Variants in PSD3 observed in about 807,000 individuals in gnomAD.
The protein encoded by PSD3 is pleckstrin and Sec7 domain containing 3.
Under a neutral mutation model 105.5 loss-of-function variants are expected in PSD3, and 49 were observed. The observed-to-expected ratio is 0.46, with a 90% CI of 0.37 to 0.59. The LOEUF is 0.59. Ranked by LOEUF, PSD3 falls within the 20% of genes least tolerant of loss-of-function variation. PSD3 has a pLI of 0.00. For synonymous variants in PSD3, 557 were observed against 457.8 expected (o/e 1.22, Z -2.77); for missense variants, 1,561 against 1,263.8 (o/e 1.24, Z -3.57).
chr8:18,936,181 C>T (rs1402284904), intron 1 of PSD3, 39 bp from the exon 2 acceptor site: 2 of 1,389,840 alleles, frequency 1.4e-6, no homozygotes, highest in African/African-American at 1.4e-5. Context: ...ATTTAAAATA[C>T]ATCATTAAAA....
chr8:18,842,556 A>T (rs1814717107), intron 4 of PSD3, among the ~76,000 whole-genome samples: 1 of 151,968 alleles, frequency 6.6e-6, no homozygotes, highest in Non-Finnish European at 1.5e-5. Context: ...ACACGGTGAA[A>T]CCCCGTGTCT....
intron 11 of PSD3, among the ~76,000 whole-genome samples, chr8:18,606,130 T>C (rs997015366): frequency 3.9e-5 from 6 of 152,226 alleles, no homozygotes; most frequent in African/African-American, 1.4e-4. Flanking sequence ...CTGTGTATTA[T>C]TTTGAAAAAC....
chr8:18,904,319 C>T (rs925631305), intron 2 of PSD3, among the ~76,000 whole-genome samples: 1 of 152,218 alleles, frequency 6.6e-6, no homozygotes, highest in South Asian at 2.1e-4. Flanking sequence ...GATTGTACAG[C>T]CACTGCCAGT....
chr8:18,802,539 A>C (rs1810792269), intron 6 of PSD3, among the ~76,000 whole-genome samples: 1 of 152,198 alleles, frequency 6.6e-6, no homozygotes, highest in Non-Finnish European at 1.5e-5. Flanking sequence ...AATAAACTAC[A>C]TCAGAATGCA....
At chr8:18,951,603 G>C (rs1308189075) in intron 1 of PSD3, among the ~76,000 whole-genome samples, 10 of 152,158 alleles carry the variant, frequency 6.6e-5, no homozygotes, top group African/African-American at 2.2e-4. Context: ...ATTGTTAGTT[G>C]CTTTTATCAA....
chr8:18,963,490 C>A (rs780893631), intron 1 of PSD3, among the ~76,000 whole-genome samples: 6 of 152,092 alleles, frequency 3.9e-5, no homozygotes, highest in African/African-American at 9.7e-5. Context: ...ATACTCGACT[C>A]GCCAACTAAA....
At chr8:18,962,319 G>A (rs1294130753) in intron 1 of PSD3, among the ~76,000 whole-genome samples, 4 of 152,006 alleles carry the variant, frequency 2.6e-5, no homozygotes, top group African/African-American at 9.7e-5. Context: ...CAACAGAGAA[G>A]AAAAGGAAAA....
chr8:19,056,807 A>T (rs77798914), intron 1 of PSD3, among the ~76,000 whole-genome samples: 3,810 of 152,308 alleles, frequency 0.025, 175 homozygotes, highest in African/African-American at 0.087. Flanking sequence ...AAAAGTAAAA[A>T]GAAATAGAGA....
intron 14 of PSD3, among the ~76,000 whole-genome samples, chr8:18,559,904 T>A (rs1311180913): frequency 2.0e-5 from 3 of 152,144 alleles, no homozygotes; most frequent in African/African-American, 7.2e-5. Context: ...TACAGCAGCA[T>A]AAAGGGCTAG....
chr8:18,956,633 G>C (rs1282096822), intron 1 of PSD3, among the ~76,000 whole-genome samples: 2 of 152,182 alleles, frequency 1.3e-5, no homozygotes, highest in East Asian at 1.9e-4. Flanking sequence ...GTCTTGCTTA[G>C]AGGACCACTT....
intron 1 of PSD3, among the ~76,000 whole-genome samples, chr8:19,009,938 G>A (rs1055774161): frequency 6.6e-6 from 1 of 152,134 alleles, no homozygotes; most frequent in African/African-American, 2.4e-5. Context: ...CTTAGAAAAT[G>A]CTGCTTTCTC....
chr8:19,083,138 A>C (rs972817355), intron 1 of PSD3, among the ~76,000 whole-genome samples: 5 of 152,046 alleles, frequency 3.3e-5, no homozygotes, highest in African/African-American at 1.2e-4. Flanking sequence ...TCAACACTCC[A>C]ATGACTCCCT....
At chr8:18,898,057 A>G (rs1057009260) in intron 2 of PSD3, among the ~76,000 whole-genome samples, 1 of 152,124 alleles carries the variant, frequency 6.6e-6, no homozygotes, top group East Asian at 1.9e-4. Flanking sequence ...AATGTTGGCT[A>G]TGGTTTTCTC....
intron 9 of PSD3, among the ~76,000 whole-genome samples, chr8:18,667,000 A>G (rs922466278): frequency 1.3e-5 from 2 of 151,810 alleles, no homozygotes; most frequent in Non-Finnish European, 2.9e-5. Context: ...GTCTTGCTGG[A>G]TGTGTTGGGA....
intron 2 of PSD3, among the ~76,000 whole-genome samples, chr8:18,909,085 G>A (rs1820033962): frequency 6.6e-6 from 1 of 152,142 alleles, no homozygotes; most frequent in Non-Finnish European, 1.5e-5. Context: ...GGTAACTAAA[G>A]GAATTACATT....
chr8:18,557,057 T>G (rs1801125533), intron 14 of PSD3, among the ~76,000 whole-genome samples: 1 of 152,242 alleles, frequency 6.6e-6, no homozygotes, highest in Admixed American at 6.5e-5. Flanking sequence ...TCAAAGGATT[T>G]CCATTCTAAG....
At chr8:18,793,249 C>A (rs1209820890) in intron 8 of PSD3, among the ~76,000 whole-genome samples, 3 of 151,336 alleles carry the variant, frequency 2.0e-5, no homozygotes, top group Non-Finnish European at 4.4e-5. Flanking sequence ...TGCAGCACAC[C>A]AACATGGCAC....
At chr8:18,641,607 G>C (rs1807646689) in intron 10 of PSD3, among the ~76,000 whole-genome samples, 1 of 152,166 alleles carries the variant, frequency 6.6e-6, no homozygotes, top group Admixed American at 6.5e-5. Context: ...TGTTACACAA[G>C]TGTGCAAAGT....
chr8:18,956,148 A>G (rs187536725), intron 1 of PSD3, among the ~76,000 whole-genome samples: 346 of 152,356 alleles, frequency 2.3e-3, no homozygotes, highest in African/African-American at 8.0e-3. Flanking sequence ...AGGAAGCTGT[A>G]TGATTTAAGG....
Sources: gnomAD v4.1 joint callset for allele counts (sites outside exome capture counted in the v4.1 genomes callset) on GRCh38, gnomAD v4.1.1 for gene constraint, MANE v1.5 for transcripts, NCBI Gene and HGNC (gene_info 2026-07-23, HGNC 2026-07-21) for gene names.